The following AFDN variants were observed in gnomAD, a reference collection of about 807,000 sequenced individuals.
AFDN encodes the protein afadin, adherens junction formation factor, also known as afadin.
In AFDN, 68 loss-of-function variants were observed where a neutral mutation model predicts 216.6. That is an observed-to-expected ratio of 0.31 (90% CI 0.26 to 0.38). AFDN has a LOEUF of 0.38. Ranked by LOEUF, AFDN falls within the 10% of genes least tolerant of loss-of-function variation. The pLI is 1.00. For missense variants in AFDN, 2,136 were observed against 2,342.0 expected (o/e 0.91, Z 1.82); for synonymous variants, 868 against 853.7 (o/e 1.02, Z -0.29).
chr6:167,967,965 G>A (rs1477904292), intron 32 of AFDN, among the ~76,000 whole-genome samples: 1 of 152,124 alleles, frequency 6.6e-6, no homozygotes, highest in Non-Finnish European at 1.5e-5. Flanking sequence ...TTTGAACATA[G>A]CACTGTATGA....
chr6:167,874,300 G>C (rs1462842194), intron 4 of AFDN, among the ~76,000 whole-genome samples: 1 of 152,100 alleles, frequency 6.6e-6, no homozygotes, highest in African/African-American at 2.4e-5. Flanking sequence ...TGTTTATGGG[G>C]TGATAAATTA....
At chr6:167,964,048 G>C (rs1797293178) in intron 31 of AFDN, 5 of 1,064,494 alleles carry the variant, frequency 4.7e-6, no homozygotes, top group Non-Finnish European at 5.7e-6. Context: ...TGCACATGCA[G>C]AGAGGACCAG....
chr6:167,851,812 T>C (rs1230680899), intron 1 of AFDN, among the ~76,000 whole-genome samples: 1 of 152,238 alleles, frequency 6.6e-6, no homozygotes, highest in Non-Finnish European at 1.5e-5. Flanking sequence ...TATGTTTGGC[T>C]TCTGATGTTA....
chr6:167,945,927 A>G (rs751715854), intron 26 of AFDN, among the ~76,000 whole-genome samples: 1 of 152,170 alleles, frequency 6.6e-6, no homozygotes, highest in African/African-American at 2.4e-5. Flanking sequence ...TATGGCCTTT[A>G]TGGCTTTCTC....
intron 1 of AFDN, among the ~76,000 whole-genome samples, chr6:167,841,841 T>G (rs1198788098): frequency 6.6e-6 from 1 of 152,098 alleles, no homozygotes; most frequent in African/African-American, 2.4e-5. Context: ...ACCGATGCCT[T>G]TCTTCTTTTG....
intron 1 of AFDN, among the ~76,000 whole-genome samples, chr6:167,846,242 ACT>A (rs1781666059): frequency 6.6e-6 from 1 of 151,242 alleles, no homozygotes; most frequent in Non-Finnish European, 1.5e-5. Flanking sequence ...AATTTATTAA[ACT>A]CTCTGTGACT....
At chr6:167,910,570 A>G (rs922990611) in intron 13 of AFDN, among the ~76,000 whole-genome samples, 8 of 152,228 alleles carry the variant, frequency 5.3e-5, no homozygotes, top group Admixed American at 3.3e-4. Flanking sequence ...TTTATAAGGC[A>G]TGCGTCACTG....
chr6:167,889,787 A>G (rs1012104581), intron 7 of AFDN, among the ~76,000 whole-genome samples: 1 of 152,216 alleles, frequency 6.6e-6, no homozygotes, highest in African/African-American at 2.4e-5. Flanking sequence ...TAAATCACAC[A>G]TCTCATTAAG....
chr6:167,880,300 G>A, intron 5 of AFDN, 60 bp from the exon 6 acceptor site: 1 of 1,500,780 alleles, frequency 6.7e-7, no homozygotes, highest in Non-Finnish European at 9.2e-7. Flanking sequence ...GTAAATGTTA[G>A]CTATCTCTGT....
intron 2 of AFDN, among the ~76,000 whole-genome samples, chr6:167,867,297 T>TC: frequency 6.6e-6 from 1 of 152,222 alleles, no homozygotes. Context: ...TACTGTTCTA[T>TC]CCCTAATTTT....
chr6:167,852,733 T>C (rs528813647), intron 1 of AFDN, among the ~76,000 whole-genome samples: 1 of 152,294 alleles, frequency 6.6e-6, no homozygotes, highest in East Asian at 1.9e-4. Context: ...TCTAGTTACC[T>C]TCAGTGCTAA....
chr6:167,900,288 G>A (rs1019082528), intron 11 of AFDN, among the ~76,000 whole-genome samples: 1 of 152,178 alleles, frequency 6.6e-6, no homozygotes, highest in Non-Finnish European at 1.5e-5. Flanking sequence ...AGATTTCATA[G>A]TGTGTCTTCA....
rs77525159 is a variant in AFDN, at chr6:167,929,587, C to T, written c.3099+4496C>T. Among the ~76,000 whole-genome samples the T allele has an allele frequency of 2.6e-3, 403 of 152,328 alleles. 3 individuals carry two copies. The highest frequency in any genetic ancestry group is 9.0e-3 in the African/African-American group (374 of 41,580). On this transcript the variant is annotated intron_variant, in intron 23 of 33. Transcript: ENST00000683244. ...AGGTAGTTGTCCCCTTAGAGCAGGA[C>T]ACTCCAAAAGACAGCCTGAAGAGGT...
intron 1 of AFDN, among the ~76,000 whole-genome samples, chr6:167,844,177 AGTGTGTGTGTGTGTGT>A (rs71004173): frequency 1.3e-4 from 18 of 141,792 alleles, no homozygotes; most frequent in African/African-American, 3.4e-4. Context: ...TCAAAAATGA[AGTGTGTGTGTGTGTGT>A]GTGTGTGTGT....
At chr6:167,958,157 A>G (rs762858318) in intron 30 of AFDN, among the ~76,000 whole-genome samples, 2 of 152,256 alleles carry the variant, frequency 1.3e-5, no homozygotes, top group Non-Finnish European at 2.9e-5. Context: ...AAATTATTTC[A>G]AATATGTTAT....
At position 167,971,922 on chromosome 6, in the gene AFDN, A is replaced by G. The variant is rs992803004; in HGVS notation, c.*1987A>G. The G allele has an allele frequency of 5.0e-6, 1 of 201,304 alleles. No homozygotes were observed. The highest frequency in any genetic ancestry group is 1.0e-5 in the Non-Finnish European group (1 of 97,768). 12.5% of individuals were successfully genotyped at this position (201,304 alleles called of 1,614,324 possible). ...TTGTATGTATTTAAGTGTATTTGCT[A>G]TTGTTTTGAAAGTGCTGACAAAGTT... On this transcript the variant is annotated 3_prime_UTR_variant, in exon 34 of 34. Transcript: ENST00000683244.
In AFDN at chr6:167,835,308, C is replaced by T. The variant is rs148477668; in HGVS notation, c.105+8071C>T. Among the ~76,000 whole-genome samples the T allele has an allele frequency of 1.3e-3, 193 of 152,240 alleles. 1 individual carries two copies. The highest frequency in any genetic ancestry group is 4.2e-3 in the African/African-American group (176 of 41,552). The stretch of plus-strand genomic sequence containing the variant: ...GGCAGCACTTGAAGAGATAAGCTTG[C>T]GTTATTCATTTTTGACAAAATGTCT... On this transcript the variant is annotated intron_variant, in intron 1 of 33. Transcript: ENST00000683244.
chr6:167,920,775 G>T (rs2128493002), intron 21 of AFDN, among the ~76,000 whole-genome samples: 1 of 152,214 alleles, frequency 6.6e-6, no homozygotes, highest in Non-Finnish European at 1.5e-5. Flanking sequence ...TGTTACCGTT[G>T]TCGGTACTCT....
intron 1 of AFDN, among the ~76,000 whole-genome samples, chr6:167,830,477 A>C (rs370799979): frequency 3.9e-4 from 59 of 152,336 alleles, no homozygotes; most frequent in African/African-American, 1.3e-3. Flanking sequence ...TATGCTTTCT[A>C]AAAATGTAGT....
Sources: gnomAD v4.1 joint callset for allele counts (sites outside exome capture counted in the v4.1 genomes callset) on GRCh38, gnomAD v4.1.1 for gene constraint, MANE v1.5 for transcripts, NCBI Gene and HGNC (gene_info 2026-07-23, HGNC 2026-07-21) for gene names.